The following RNF19A variants were observed in gnomAD, a reference collection of about 807,000 sequenced individuals.
The protein encoded by RNF19A is ring finger protein 19A, RBR E3 ubiquitin protein ligase, also known as E3 ubiquitin-protein ligase RNF19A.
A neutral mutation model predicts 75.7 loss-of-function variants in RNF19A; 32 were observed. The observed-to-expected ratio is 0.42, with a 90% CI of 0.32 to 0.57. The LOEUF is 0.57. Ranked by LOEUF, RNF19A falls within the 20% of genes least tolerant of loss-of-function variation. The probability of loss-of-function intolerance (pLI) is 0.10; values close to 1 mark genes in which losing one functional copy is unlikely to be tolerated. For synonymous variants in RNF19A, 335 were observed against 345.2 expected, an observed-to-expected ratio of 0.97 and a Z score of 0.33; for missense variants, 782 against 1,036.3, an observed-to-expected ratio of 0.75 and a Z score of 3.37.
intron 1 of RNF19A, among the ~76,000 whole-genome samples, chr8:100,319,608 C>T (rs1822435672): frequency 6.7e-6 from 1 of 148,624 alleles, no homozygotes; most frequent in South Asian, 2.1e-4. Flanking sequence ...CGGCTCATTG[C>T]AACCTCCCGC....
At chr8:100,262,902 AG>A (rs1450430796) in intron 7 of RNF19A, among the ~76,000 whole-genome samples, 1 of 152,152 alleles carries the variant, frequency 6.6e-6, no homozygotes. Flanking sequence ...GAGGGAAAAG[AG>A]GGAGGCATTG....
chr8:100,307,911 C>A (rs1208445777), intron 1 of RNF19A, among the ~76,000 whole-genome samples: 5 of 152,060 alleles, frequency 3.3e-5, no homozygotes, highest in African/African-American at 1.2e-4. Context: ...TTCAGTCAAG[C>A]AAAATACATC....
At chr8:100,314,216 CTA>C (rs1356878019), upstream of RNF19A, among the ~76,000 whole-genome samples, 2 of 151,846 alleles carry the variant, frequency 1.3e-5, no homozygotes, top group East Asian at 3.9e-4. This position sits in a 1 kb window ranked among gnomAD's most constrained non-coding sequence, Gnocchi z 4.1. Context: ...ACTATATATA[CTA>C]TATATAGTAC....
At position 100,284,054 on chromosome 8, in the gene RNF19A, C is replaced by T. The variant is rs1051935744; in HGVS notation, c.674+3447G>A. Among the ~76,000 whole-genome samples the T allele has an allele frequency of 2.0e-5, 3 of 151,054 alleles. No individual in the cohort carries two copies. The highest frequency in any genetic ancestry group is 2.1e-4 in the South Asian group (1 of 4,772). ...ACCTCCAGTTCCTGGTACATAGGTG[C>T]ATTAAATATTTGAATGATTATCTGA... On this transcript the variant is annotated intron_variant, in intron 2 of 9. Transcript: ENST00000341084. The surrounding 1 kb of genome is among the most constrained non-coding windows in gnomAD (Gnocchi z 4.3).
At chr8:100,318,361 A>C (rs1018212375) in intron 1 of RNF19A, among the ~76,000 whole-genome samples, 11 of 152,208 alleles carry the variant, frequency 7.2e-5, no homozygotes, top group Admixed American at 2.0e-4. Flanking sequence ...CTTGGCTTAA[A>C]TTCTCTGTTC....
intron 1 of RNF19A, among the ~76,000 whole-genome samples, chr8:100,334,535 T>C (rs1466688059): frequency 6.6e-6 from 1 of 152,206 alleles, no homozygotes; most frequent in Non-Finnish European, 1.5e-5. Flanking sequence ...GGCTGCACAT[T>C]ATAAGTATCT....
upstream of RNF19A, chr8:100,310,116 G>A: frequency 1.0e-6 from 1 of 984,784 alleles, no homozygotes; most frequent in South Asian, 4.7e-5. Context: ...CCCTCCCGCA[G>A]CCCCCGCTTT....
At position 100,324,276 on chromosome 8, in the gene RNF19A, G is replaced by C. The variant is rs2130368073; in HGVS notation, c.-242-10904C>G. Among the ~76,000 whole-genome samples, 1 of 152,244 alleles carries C rather than the reference G, an allele frequency of 6.6e-6. No individual in the cohort carries two copies. The highest frequency in any genetic ancestry group is 2.1e-4 in the South Asian group (1 of 4,824). The stretch of plus-strand genomic sequence containing the variant: ...GGAATAATTTAGTGGCAAGCATTTT[G>C]GGGTATAGAAACAATACTTGAGACT... On this transcript the variant is annotated intron_variant, in intron 1 of 3. Coordinates refer to the RNF19A transcript ENST00000519527. The surrounding 1 kb of genome is among the most constrained non-coding windows in gnomAD (Gnocchi z 4.2).
At position 100,275,976 on chromosome 8, in the gene RNF19A, T is replaced by G. The variant is rs532252309; in HGVS notation, c.675-815A>C. ...CCTGCCAAAAAATAAAAAAAAACTG[T>G]TTTTTTTTCCTTCGGATTAAAGACT... is the stretch of plus-strand genomic sequence containing the variant. On this transcript the variant is annotated intron_variant, in intron 2 of 9. Coordinates refer to ENST00000341084, the MANE Select transcript of RNF19A (RefSeq NM_183419.4). This position sits in a 1 kb window ranked among gnomAD's most constrained non-coding sequence, Gnocchi z 4.3. Among the ~76,000 whole-genome samples the G allele has an allele frequency of 4.7e-5, 7 of 148,790 alleles. No individual in the cohort carries two copies. Among genetic ancestry groups the G allele is most frequent in the African/African-American group, 7.6e-5 (3 of 39,410 alleles).
rs1216456675 is a variant in RNF19A, at chr8:100,323,817, T to C, written c.-242-10445A>G. Among the ~76,000 whole-genome samples the C allele has an allele frequency of 2.0e-5, 3 of 152,246 alleles. No homozygotes were observed. Among genetic ancestry groups the C allele is most frequent in the African/African-American group, 7.2e-5 (3 of 41,472 alleles). Reference sequence around the variant, plus strand: ...CCCTGTGTTAACTTGTTGAAATTCATACTTGGGAGTTTTCAATAAACATCA... The same window carrying C: ...CCCTGTGTTAACTTGTTGAAATTCACACTTGGGAGTTTTCAATAAACATCA... On this transcript the variant is annotated intron_variant, in intron 1 of 3. Coordinates refer to the RNF19A transcript ENST00000519527. The surrounding 1 kb of genome is among the most constrained non-coding windows in gnomAD (Gnocchi z 4.6).
upstream of RNF19A, chr8:100,310,173 C>T (rs1020128382): frequency 2.1e-5 from 21 of 985,368 alleles, no homozygotes; most frequent in Non-Finnish European, 2.5e-5. Flanking sequence ...GGCCGCCCCG[C>T]CCCAGCGCGC....
At chr8:100,315,400 GA>G (rs1340096873) in intron 1 of RNF19A, among the ~76,000 whole-genome samples, 3 of 152,254 alleles carry the variant, frequency 2.0e-5, no homozygotes, top group Admixed American at 6.5e-5. Flanking sequence ...CACTGGGGGG[GA>G]AAAATGCAAC....
In RNF19A at chr8:100,331,218, TCA is replaced by T. The variant is rs1822606303; in HGVS notation, c.-243+4888_-243+4889del. Among the ~76,000 whole-genome samples the T allele has an allele frequency of 6.6e-6, 1 of 152,234 alleles. No homozygotes were observed. The highest frequency in any genetic ancestry group is 1.5e-5 in the Non-Finnish European group (1 of 68,034). ...CACTTGACACAGCTGTATCTGAATC[TCA>T]GTTTGGAGAGAATCCAAGTGGCCGT... is the stretch of plus-strand genomic sequence containing the variant. On this transcript the variant is annotated intron_variant, in intron 1 of 3. Coordinates refer to the RNF19A transcript ENST00000519527. The surrounding 1 kb of genome is among the most constrained non-coding windows in gnomAD (Gnocchi z 5.2).
Position 100,260,042 on chromosome 8 carries a change from C to G in RNF19A, c.1683-45G>C, listed in dbSNP as rs778372315. On this transcript the variant is annotated intron_variant, in intron 8 of 9. Transcript: ENST00000341084. The surrounding 1 kb of genome is among the most constrained non-coding windows in gnomAD (Gnocchi z 4.1). ...TCACCAAAATTATATTTAATATCAG[C>G]ACTACTGTAATATGTATCTTTAAAT... 1 of 1,522,828 alleles carries G rather than the reference C, an allele frequency of 6.6e-7. No homozygotes were observed. Among genetic ancestry groups the G allele is most frequent in the Non-Finnish European group, 9.1e-7 (1 of 1,098,630 alleles). 94.3% of individuals were successfully genotyped at this position (1,522,828 alleles called of 1,614,324 possible).
intron 2 of RNF19A, among the ~76,000 whole-genome samples, chr8:100,281,850 G>C (rs1425370014): frequency 2.6e-5 from 4 of 152,136 alleles, no homozygotes; most frequent in Non-Finnish European, 5.9e-5. Context: ...TCAGAATCAA[G>C]AGGCTCATGT....
At chr8:100,299,488 G>A (rs966060138) in intron 1 of RNF19A, among the ~76,000 whole-genome samples, 4 of 152,140 alleles carry the variant, frequency 2.6e-5, no homozygotes, top group Non-Finnish European at 5.9e-5. Context: ...GACCGGGTGC[G>A]GTGGCTCACG....
At chr8:100,301,123 C>T (rs1248749002) in intron 1 of RNF19A, among the ~76,000 whole-genome samples, 3 of 152,186 alleles carry the variant, frequency 2.0e-5, no homozygotes, top group African/African-American at 7.2e-5. Context: ...AATTTTAGTT[C>T]CTCAGTTGTG....
At chr8:100,267,954 AGGGGTGAGG>A (rs1172102956) in intron 5 of RNF19A, among the ~76,000 whole-genome samples, 1 of 152,098 alleles carries the variant, frequency 6.6e-6, no homozygotes, top group Non-Finnish European at 1.5e-5. Context: ...CTAAGATTAC[AGGGGTGAGG>A]CACCGCACCT....
rs933133157 is a variant in RNF19A, at chr8:100,258,438, G to A, written c.*118C>T. On this transcript the variant is annotated 3_prime_UTR_variant, in exon 10 of 10. Transcript: ENST00000341084. This position sits in a 1 kb window ranked among gnomAD's most constrained non-coding sequence, Gnocchi z 4.3. ...CTTGCTGAACACAGAAAATGTATCT[G>A]CATTATGATAATGAAACCCGGCTTT... 5.2e-6 allele frequency: 4 copies of A among 763,092 alleles called. No homozygotes were observed. In the East Asian group the frequency reaches 7.6e-5, roughly 15 times the overall value. The allele number at this position is 763,092 out of a possible 1,614,324, so 47.3% of individuals were successfully genotyped here.
Sources: gnomAD v4.1 joint callset for allele counts (sites outside exome capture counted in the v4.1 genomes callset) on GRCh38, gnomAD v4.1.1 for gene constraint, Gnocchi (gnomAD v3.1) non-coding constraint, MANE v1.5 for transcripts, NCBI Gene and HGNC (gene_info 2026-07-23, HGNC 2026-07-21) for gene names.